Variants in MAF observed in about 807,000 individuals in gnomAD.
The protein encoded by MAF is transcription factor Maf.
MAF carries 10 observed loss-of-function variants against 22.0 expected under a neutral mutation model. The observed-to-expected ratio is 0.45, with a 90% CI of 0.28 to 0.77. The LOEUF is 0.77. Among genes scored for constraint, MAF ranks in the 30% least tolerant of loss-of-function variants. MAF has a pLI of 0.12. For synonymous variants in MAF, 337 were observed against 255.8 expected (o/e 1.32, Z -3.03); for missense variants, 544 against 548.4 (o/e 0.99, Z 0.08).
rs998971123 is a variant in MAF, at chr16:79,599,378, G to A, written c.525C>T (p.Ser175=). ...SAVIAAAAAQ[S]GAGPHYHHHH... is the part of the protein sequence containing the mutation. ...GGTGGTGGTAGTGCGGGCCCGCGCC[G>A]CTCTGCGCGGCGGCCGCGGCGATCA... Residue 175 remains serine (S), a synonymous_variant, in exon 1 of 2, where the codon AGC becomes AGT. Coordinates refer to ENST00000326043, the MANE Select transcript of MAF (RefSeq NM_005360.5). 3 of 1,009,120 alleles carry A rather than the reference G, an allele frequency of 3.0e-6. No homozygotes were observed. Among genetic ancestry groups the A allele is most frequent in the East Asian group, 1.0e-4 (1 of 9,752 alleles). The allele number at this position is 1,009,120 out of a possible 1,614,324, so 62.5% of individuals were successfully genotyped here. A position where few individuals can be genotyped will look rare whatever the true frequency, so the allele number is the denominator to read the frequency against.
the MAF span, among the ~76,000 whole-genome samples, chr16:79,545,024 T>G: frequency 2.0e-5 from 3 of 152,146 alleles, no homozygotes; most frequent in African/African-American, 7.2e-5. Context: ...GACCACTGGC[T>G]CCCTCAGGCC....
the MAF span, among the ~76,000 whole-genome samples, chr16:79,407,652 T>A: frequency 6.6e-6 from 1 of 152,096 alleles, no homozygotes; most frequent in Non-Finnish European, 1.5e-5. Context: ...CAGAAGCACA[T>A]CATATCACTC....
chr16:79,383,212 C>T, the MAF span, among the ~76,000 whole-genome samples: 6 of 152,042 alleles, frequency 3.9e-5, no homozygotes, highest in African/African-American at 1.4e-4. Flanking sequence ...CCAACTGAAA[C>T]CCTGGACTGG....
chr16:79,297,874 G>A, the MAF span, among the ~76,000 whole-genome samples: 1 of 152,128 alleles, frequency 6.6e-6, no homozygotes, highest in Non-Finnish European at 1.5e-5. Context: ...CCCACACCCA[G>A]GCTGCACACT....
the MAF span, among the ~76,000 whole-genome samples, chr16:79,379,853 G>C: frequency 3.3e-5 from 5 of 152,260 alleles, no homozygotes; most frequent in Admixed American, 3.3e-4. Context: ...ATCAGCTAGA[G>C]GGTGCCTCAC....
At chr16:79,517,205 T>C in the MAF span, among the ~76,000 whole-genome samples, 1 of 152,170 alleles carries the variant, frequency 6.6e-6, no homozygotes, top group Admixed American at 6.5e-5. Flanking sequence ...TACCTGGGCC[T>C]GATTTCCTCT....
the MAF span, among the ~76,000 whole-genome samples, chr16:79,526,121 G>C: frequency 9.8e-5 from 15 of 152,326 alleles, 1 homozygote; most frequent in African/African-American, 3.6e-4. Context: ...CAAATGTGAA[G>C]AGATTCACAC....
chr16:79,590,231 G>A (rs149254042), downstream of MAF, among the ~76,000 whole-genome samples: 567 of 152,248 alleles, frequency 3.7e-3, 8 homozygotes, highest in African/African-American at 0.013. Flanking sequence ...GGGGGGGCAT[G>A]GAGGGAGGGT....
At chr16:79,538,193 G>C in the MAF span, among the ~76,000 whole-genome samples, 4 of 152,136 alleles carry the variant, frequency 2.6e-5, no homozygotes, top group Non-Finnish European at 5.9e-5. Flanking sequence ...ATAAAAAAGA[G>C]TTCTGTCCTA....
At position 79,600,162 on chromosome 16, in the gene MAF, G is replaced by A; in HGVS notation, c.-260C>T. 2.4e-6 allele frequency: 1 copy of A among 425,372 alleles called. No individual in the cohort carries two copies. The highest frequency in any genetic ancestry group is 4.1e-6 in the Non-Finnish European group (1 of 241,676). The allele number at this position is 425,372 out of a possible 1,614,324, so 26.3% of individuals were successfully genotyped here. On this transcript the variant is annotated 5_prime_UTR_variant, in exon 1 of 2. Coordinates refer to ENST00000326043, the MANE Select transcript of MAF (RefSeq NM_005360.5). ...CCCTCGCTCGCCCCGGCCCCTCCTT[G>A]CTCGCTCGCCTCCTTGCGCGCCGAG... is the stretch of plus-strand genomic sequence containing the variant.
the MAF span, among the ~76,000 whole-genome samples, chr16:79,503,748 C>G: frequency 6.6e-6 from 1 of 152,126 alleles, no homozygotes. Flanking sequence ...ATTGTGTGGC[C>G]CAATCAGAGC....
the MAF span, among the ~76,000 whole-genome samples, chr16:79,425,663 ATT>A: frequency 3.4e-5 from 5 of 145,466 alleles, no homozygotes; most frequent in African/African-American, 1.0e-4. Flanking sequence ...ATCAATTTAG[ATT>A]TTTTTTTTTT....
At chr16:79,251,077 T>TC in the MAF span, among the ~76,000 whole-genome samples, 13,730 of 151,906 alleles carry the variant, frequency 0.09, 612 homozygotes, top group Non-Finnish European at 0.1. Flanking sequence ...GATATTAGAT[T>TC]CCCCCCGTTT....
At chr16:79,380,603 G>T in the MAF span, among the ~76,000 whole-genome samples, 1 of 152,170 alleles carries the variant, frequency 6.6e-6, no homozygotes, top group Non-Finnish European at 1.5e-5. Flanking sequence ...GGTTTGTGAT[G>T]CATGGATCTT....
At chr16:79,306,101 T>C in the MAF span, among the ~76,000 whole-genome samples, 1 of 152,228 alleles carries the variant, frequency 6.6e-6, no homozygotes, top group Non-Finnish European at 1.5e-5. Context: ...AAAGGTAACG[T>C]TGGCCTTTTA....
the MAF span, among the ~76,000 whole-genome samples, chr16:79,253,121 T>C: frequency 1.3e-5 from 2 of 152,208 alleles, no homozygotes; most frequent in South Asian, 2.1e-4. Context: ...GAAACCAGTG[T>C]ACTGCCCTTC....
the MAF span, among the ~76,000 whole-genome samples, chr16:79,330,899 T>A: frequency 6.6e-6 from 1 of 152,122 alleles, no homozygotes; most frequent in Non-Finnish European, 1.5e-5. Flanking sequence ...AAAATTCCCA[T>A]CCCTTCTGCA....
At chr16:79,392,107 G>A in the MAF span, among the ~76,000 whole-genome samples, 4 of 149,324 alleles carry the variant, frequency 2.7e-5, no homozygotes, top group African/African-American at 7.4e-5. Flanking sequence ...AAGAAGGAAA[G>A]AGAGAGGAAA....
At chr16:79,444,309 T>G in the MAF span, among the ~76,000 whole-genome samples, 1 of 152,328 alleles carries the variant, frequency 6.6e-6, no homozygotes, top group East Asian at 1.9e-4. Flanking sequence ...TTCTTTATGC[T>G]TTCAGTCTAC....
Sources: gnomAD v4.1 joint callset for allele counts (sites outside exome capture counted in the v4.1 genomes callset) on GRCh38, gnomAD v4.1.1 for gene constraint, MANE v1.5 for transcripts, NCBI Gene and HGNC (gene_info 2026-07-23, HGNC 2026-07-21) for gene names.